IL1R1: variants seen among roughly 807,000 people sequenced by gnomAD.
IL1R1 encodes the protein interleukin-1 receptor type 1.
In IL1R1, 22 loss-of-function variants were observed where a neutral mutation model predicts 50.2. That is an observed-to-expected ratio of 0.44 (90% confidence interval 0.31 to 0.63). The LOEUF is 0.63. Among genes scored for constraint, IL1R1 ranks in the 20% least tolerant of loss-of-function variants. The probability of loss-of-function intolerance (pLI) is 0.07; values close to 1 mark genes in which losing one functional copy is unlikely to be tolerated. For synonymous variants in IL1R1, 251 were observed against 236.7 expected (o/e 1.06, Z -0.55); for missense variants, 509 against 676.2 (o/e 0.75, Z 2.74).
At chr2:102,084,775 A>G (rs1021753247) in intron 1 of IL1R1, among the ~76,000 whole-genome samples, 2 of 152,218 alleles carry the variant, frequency 1.3e-5, no homozygotes, top group African/African-American at 4.8e-5. Context: ...TTACTGAGTC[A>G]TAAGATATGT....
upstream of IL1R1, among the ~76,000 whole-genome samples, chr2:102,138,044 T>C (rs1682440566): frequency 1.3e-5 from 2 of 152,216 alleles, no homozygotes; most frequent in Admixed American, 6.5e-5. Flanking sequence ...AAAAGGGTTG[T>C]ATTCTTCCTA....
intron 1 of IL1R1, among the ~76,000 whole-genome samples, chr2:102,108,571 G>A (rs1202723513): frequency 1.3e-5 from 2 of 151,966 alleles, no homozygotes; most frequent in East Asian, 3.9e-4. Context: ...TCAATGTAAG[G>A]GAGGTAGAAA....
intron 7 of IL1R1, 68 bp from the exon 8 acceptor site, chr2:102,171,732 GC>G: frequency 1.2e-6 from 1 of 801,580 alleles, no homozygotes; most frequent in Non-Finnish European, 1.9e-6. Context: ...TAATTCAATA[GC>G]CATTTATTAA....
chr2:102,097,164 G>A lies in IL1R1; in HGVS notation c.-84+26631G>A, dbSNP rs974829343. Among the ~76,000 whole-genome samples the A allele has an allele frequency of 2.6e-5, 4 of 152,068 alleles. 1 individual carries two copies. The highest frequency in any genetic ancestry group is 5.9e-5 in the Non-Finnish European group (4 of 68,024). ...TCTTTTAGAATGGTGACTTTATCGG[G>A]GATCGGGGCTGCTTCCTTCCTGCAA... On this transcript the variant is annotated intron_variant, in intron 1 of 11. Transcript: ENST00000409929.
At chr2:102,113,758 G>A (rs1680910994) in intron 1 of IL1R1, among the ~76,000 whole-genome samples, 1 of 152,124 alleles carries the variant, frequency 6.6e-6, no homozygotes, top group Non-Finnish European at 1.5e-5. Context: ...TTCTAGAACC[G>A]GCCAGGATCA....
chr2:102,088,483 C>G (rs759478492), intron 1 of IL1R1, among the ~76,000 whole-genome samples: 4 of 152,080 alleles, frequency 2.6e-5, no homozygotes, highest in Non-Finnish European at 5.9e-5. Context: ...GTAAACCATG[C>G]TGTAAACAGA....
At position 102,176,708 on chromosome 2, in the gene IL1R1, A is replaced by T. The variant is rs200547042; in HGVS notation, c.1659A>T (p.Ser553=). Residue 553 remains serine (S), a synonymous_variant, in exon 12 of 12, where the codon TCA becomes TCT. Coordinates refer to ENST00000410023, the MANE Select transcript of IL1R1 (RefSeq NM_000877.4). ...CTTCATCTAAACACCAGTTACTGTC[A>T]CCAGCCACTAAGGAGAAACTGCAAA... The part of the protein sequence containing the change: ...RSPSSKHQLL[S]PATKEKLQRE... 6.2e-7 allele frequency: 1 copy of T among 1,610,842 alleles called. No homozygotes were observed.
chr2:102,174,700 G>A lies in IL1R1; in HGVS notation c.1105G>A (p.Asp369Asn). 6.2e-7 allele frequency: 1 copy of A among 1,609,142 alleles called. No homozygotes were observed. The highest frequency in any genetic ancestry group is 8.5e-7 in the Non-Finnish European group (1 of 1,178,528). Residue 369 changes from aspartate (D) to asparagine (N), a missense_variant, in exon 10 of 12, where the codon GAT becomes AAT. Asp to Asn is a conservative substitution (Grantham distance 23, BLOSUM62 1). Coordinates refer to ENST00000410023, the MANE Select transcript of IL1R1 (RefSeq NM_000877.4). Reference protein sequence around the residue: ...FKIDIVLWYRDSCYDFLPIKA... With the variant: ...FKIDIVLWYRNSCYDFLPIKA... ...GATTGACATTGTGCTTTGGTACAGGGATTCCTGCTATGATTTTCTCCCAAT... is the reference window on the plus strand; with the variant it reads ...GATTGACATTGTGCTTTGGTACAGGAATTCCTGCTATGATTTTCTCCCAAT...
chr2:102,141,683 G>A (rs1219858333), upstream of IL1R1: 1 of 152,190 alleles, frequency 6.6e-6, no homozygotes, highest in Non-Finnish European at 1.5e-5. Flanking sequence ...GGTGGGTTAC[G>A]AGAACAAGAG....
chr2:102,136,252 G>T (rs911608070), intron 1 of IL1R1, among the ~76,000 whole-genome samples: 8 of 152,056 alleles, frequency 5.3e-5, no homozygotes, highest in Admixed American at 5.2e-4. Context: ...TAATCTACCC[G>T]TGATAGGGCA....
chr2:102,128,314 C>T (rs1047798701), intron 1 of IL1R1, among the ~76,000 whole-genome samples: 2 of 152,166 alleles, frequency 1.3e-5, no homozygotes, highest in Non-Finnish European at 2.9e-5. Flanking sequence ...AGTAGAAATA[C>T]TGTCAGGTAC....
At chr2:102,153,272 T>G (rs1468704177) in intron 1 of IL1R1, among the ~76,000 whole-genome samples, 2 of 152,188 alleles carry the variant, frequency 1.3e-5, no homozygotes, top group African/African-American at 4.8e-5. Flanking sequence ...CACTGAGCCA[T>G]GGCATCCCTA....
chr2:102,161,931 A>G (rs879876053), intron 3 of IL1R1, among the ~76,000 whole-genome samples: 32 of 151,870 alleles, frequency 2.1e-4, no homozygotes, highest in Non-Finnish European at 4.1e-4. Context: ...CAAACTCCTG[A>G]CCTCAGGTGA....
chr2:102,130,193 A>G (rs115801365), intron 1 of IL1R1, among the ~76,000 whole-genome samples: 2,061 of 152,346 alleles, frequency 0.014, 47 homozygotes, highest in African/African-American at 0.047. Flanking sequence ...AAAAAGACAC[A>G]TACCATGTTT....
At position 102,174,613 on chromosome 2, in the gene IL1R1, G is replaced by T; in HGVS notation, c.1018G>T (p.Gly340Cys). The stretch of plus-strand genomic sequence containing the variant: ...CACTAATTTCCAGAAGCACATGATT[G>T]GTATATGTGTCACGTTGACAGTCAT... The part of the protein sequence containing the change: ...PVTNFQKHMI[G>C]ICVTLTVIIV... The change falls in exon 10 of 12, where the codon GGT (glycine) becomes TGT (cysteine). Residue 340 changes from glycine (G) to cysteine (C), a missense_variant. Coordinates refer to ENST00000410023, the MANE Select transcript of IL1R1 (RefSeq NM_000877.4). 5 of 1,587,634 alleles carry T rather than the reference G, an allele frequency of 3.1e-6. No homozygotes were observed. Among genetic ancestry groups the T allele is most frequent in the South Asian group, 2.3e-5 (2 of 85,182 alleles).
intron 1 of IL1R1, among the ~76,000 whole-genome samples, chr2:102,124,901 G>GCA (rs757403518): frequency 3.3e-5 from 5 of 151,200 alleles, no homozygotes; most frequent in Non-Finnish European, 7.4e-5. Context: ...GGGTAACAGA[G>GCA]CAAGACTCTG....
chr2:102,121,679 A>G (rs1681415643), intron 1 of IL1R1, among the ~76,000 whole-genome samples: 1 of 152,204 alleles, frequency 6.6e-6, no homozygotes, highest in South Asian at 2.1e-4. Context: ...GGGGAGTTCA[A>G]AAATACCATT....
At chr2:102,165,344 A>T in intron 5 of IL1R1, 40 bp downstream of exon 5, 1 of 1,148,526 alleles carries the variant, frequency 8.7e-7, no homozygotes, top group African/African-American at 1.6e-5. Context: ...TTTTCCAGAA[A>T]ATAAAATAGT....
intron 1 of IL1R1, among the ~76,000 whole-genome samples, chr2:102,084,648 A>G (rs1679361800): frequency 6.6e-6 from 1 of 152,200 alleles, no homozygotes; most frequent in East Asian, 1.9e-4. Context: ...GCTGATGAAC[A>G]TTTGGATAGT....
Sources: gnomAD v4.1 joint callset for allele counts (sites outside exome capture counted in the v4.1 genomes callset) on GRCh38, gnomAD v4.1.1 for gene constraint, MANE v1.5 for transcripts, NCBI Gene and HGNC (gene_info 2026-07-23, HGNC 2026-07-21) for gene names.